ICAM2: variants seen among roughly 807,000 people sequenced by gnomAD.
The protein encoded by ICAM2 is ICAM-2.
Under a neutral mutation model 19.1 loss-of-function variants are expected in ICAM2, and 14 were observed. That is an observed-to-expected ratio of 0.73 (90% CI 0.48 to 1.15). The LOEUF (loss-of-function observed/expected upper bound fraction) is 1.15. ICAM2 is among the 50% of genes most tolerant of loss of function. The pLI, the probability that ICAM2 is intolerant of heterozygous loss-of-function variation, is 0.00. For missense variants in ICAM2, 311 were observed against 355.4 expected (o/e 0.88, Z 1.00); for synonymous variants, 153 against 152.7 (o/e 1.00, Z -0.01).
At chr17:64,014,199 T>C (rs1281231074) in intron 1 of ICAM2, among the ~76,000 whole-genome samples, 1 of 151,552 alleles carries the variant, frequency 6.6e-6, no homozygotes, top group Non-Finnish European at 1.5e-5. Context: ...CTGGGCCAGA[T>C]GCAGTGGCTC....
Position 64,014,376 on chromosome 17 carries a change from AAAGGAAGGAAGGAAGG to A in ICAM2, c.-45+6131_-45+6146del, listed in dbSNP as rs1168049231. 9.0e-5 allele frequency among the ~76,000 whole-genome samples: 5 copies of A among 55,420 alleles called. No homozygotes were observed. In the South Asian group the frequency reaches 2.2e-3, roughly 24 times the overall value. The allele number at this position is 55,420 out of a possible 152,430, so 36.4% of individuals were successfully genotyped here. ...GAAAGAAAGAAAGAAAGAAAGAAAG[AAAGGAAGGAAGGAAGG>A]AAGGAAGGAAGGAAGAGAAAGAGAA... On this transcript the variant is annotated intron_variant, in intron 1 of 4. Coordinates refer to ENST00000579788, the MANE Select transcript of ICAM2 (RefSeq NM_001099789.2).
At chr17:64,004,647 G>A in intron 3 of ICAM2, 1 of 233,840 alleles carries the variant, frequency 4.3e-6, no homozygotes, top group Non-Finnish European at 8.6e-6. Flanking sequence ...CATCTGGAAG[G>A]TTTTCATGGC....
At chr17:64,020,492 A>T (rs1352705737) in intron 1 of ICAM2, 31 bp downstream of exon 1, 1 of 152,178 alleles carries the variant, frequency 6.6e-6, no homozygotes, top group African/African-American at 2.4e-5. Flanking sequence ...GCCACGCTTC[A>T]TTGGAGGGAA....
At chr17:64,015,654 G>A (rs988468744) in intron 1 of ICAM2, among the ~76,000 whole-genome samples, 1 of 152,106 alleles carries the variant, frequency 6.6e-6, no homozygotes, top group Non-Finnish European at 1.5e-5. Context: ...TTAGGGGGAT[G>A]GCTTGAGCCT....
chr17:64,010,018 G>A (rs115123747), intron 1 of ICAM2, among the ~76,000 whole-genome samples: 5 of 152,124 alleles, frequency 3.3e-5, no homozygotes, highest in African/African-American at 1.2e-4. Context: ...CCCTTACCTC[G>A]ACCAGTCATT....
At chr17:64,005,069 C>T (rs1205280310) in intron 3 of ICAM2, 38 bp downstream of exon 3, 9 of 1,611,854 alleles carry the variant, frequency 5.6e-6, no homozygotes, top group Non-Finnish European at 6.8e-6. Context: ...CAGCCTCTGT[C>T]CCAGGGGAGA....
At chr17:64,007,443 A>G (rs1911264937) in intron 1 of ICAM2, among the ~76,000 whole-genome samples, 1 of 151,838 alleles carries the variant, frequency 6.6e-6, no homozygotes, top group Non-Finnish European at 1.5e-5. Flanking sequence ...TGTATTTTTA[A>G]TAGAGATGGG....
intron 4 of ICAM2, chr17:64,003,332 G>T: frequency 4.3e-6 from 2 of 462,444 alleles, no homozygotes; most frequent in Admixed American, 3.7e-5. Context: ...CAGAGCTCTG[G>T]GGACCTCAGT....
At chr17:64,013,279 T>C (rs1837984033) in intron 1 of ICAM2, among the ~76,000 whole-genome samples, 1 of 152,172 alleles carries the variant, frequency 6.6e-6, no homozygotes, top group African/African-American at 2.4e-5. Flanking sequence ...ACCACTGCAC[T>C]CTAGCCTGGG....
chr17:64,008,273 A>C (rs1338415300), intron 1 of ICAM2, among the ~76,000 whole-genome samples: 2 of 152,120 alleles, frequency 1.3e-5, no homozygotes, highest in East Asian at 3.9e-4. Context: ...AGCCTGAAGG[A>C]ATCTGATTTC....
rs1436349218 is a variant in ICAM2 at position 64,002,825 on chromosome 17, C to T, written c.750G>A (p.Gln250=). The part of the protein sequence containing the change: ...TSVLLCFIFG[Q]HLRQQRMGTY... Reference sequence around the variant, plus strand: ...TGCCCATCCGCTGCTGGCGCAAGTGCTGGCCGAAGATGAAGCAGAGCAGGA... The same window carrying T: ...TGCCCATCCGCTGCTGGCGCAAGTGTTGGCCGAAGATGAAGCAGAGCAGGA... Residue 250 remains glutamine, a synonymous_variant, in exon 5 of 5, where the codon CAG becomes CAA. Coordinates refer to ENST00000579788, the MANE Select transcript of ICAM2 (RefSeq NM_001099789.2). 6.2e-7 allele frequency: 1 copy of T among 1,613,934 alleles called. No homozygotes were observed. The highest frequency in any genetic ancestry group is 2.2e-5 in the East Asian group (1 of 44,874).
intron 1 of ICAM2, among the ~76,000 whole-genome samples, chr17:64,018,866 C>T (rs932307367): frequency 5.9e-5 from 9 of 151,858 alleles, no homozygotes; most frequent in African/African-American, 1.7e-4. Flanking sequence ...AAACTACAGG[C>T]GTACGCCACC....
intron 1 of ICAM2, among the ~76,000 whole-genome samples, chr17:64,019,011 C>T (rs538391051): frequency 4.6e-5 from 7 of 152,196 alleles, no homozygotes; most frequent in African/African-American, 1.7e-4. Flanking sequence ...TGAGCCACTG[C>T]TCCCGGCCTT....
chr17:64,011,004 C>CGA (rs1911428118), intron 1 of ICAM2, among the ~76,000 whole-genome samples: 1 of 151,674 alleles, frequency 6.6e-6, no homozygotes, highest in South Asian at 2.1e-4. Context: ...GAAACTCAAA[C>CGA]AACTCAATAG....
chr17:64,005,842 G>C, intron 2 of ICAM2: 1 of 192,456 alleles, frequency 5.2e-6, no homozygotes, highest in Non-Finnish European at 1.1e-5. Context: ...AGGCTCTGGG[G>C]ATACAGCAGT....
chr17:64,003,381 C>A, intron 4 of ICAM2: 1 of 516,400 alleles, frequency 1.9e-6, no homozygotes, highest in Admixed American at 3.4e-5. Flanking sequence ...TGGAGGGGAG[C>A]CAAGGCCAGG....
At chr17:64,019,629 C>A (rs1227399074) in intron 1 of ICAM2, among the ~76,000 whole-genome samples, 1 of 151,890 alleles carries the variant, frequency 6.6e-6, no homozygotes, top group Non-Finnish European at 1.5e-5. Flanking sequence ...TCCTGGCCAA[C>A]ATAGTGAAAC....
At chr17:64,015,013 G>A (rs376138348) in intron 1 of ICAM2, among the ~76,000 whole-genome samples, 1 of 152,192 alleles carries the variant, frequency 6.6e-6, no homozygotes, top group East Asian at 1.9e-4. Context: ...GAAGGCATGC[G>A]TAAACATGAT....
Position 64,002,750 on chromosome 17 carries a change from T to C in ICAM2, c.825A>G (p.Pro275=). ...GTGGCCATGCCACTCATGGTTGCTA[T>C]GGCCGGAAGGCCTGGGGCAGCCTCC... is the stretch of plus-strand genomic sequence containing the variant. ...AWRRLPQAFR[P] The change falls in exon 5 of 5, where the codon CCA becomes CCG. Residue 275 remains proline, a synonymous_variant. Transcript: ENST00000579788. 1 of 1,610,932 alleles carries C rather than the reference T, an allele frequency of 6.2e-7. No individual in the cohort carries two copies. Among genetic ancestry groups the C allele is most frequent in the Non-Finnish European group, 8.5e-7 (1 of 1,179,532 alleles).
Sources: allele counts gnomAD v4.1 joint callset (sites outside exome capture counted in the v4.1 genomes callset), GRCh38; gene constraint gnomAD v4.1.1; transcripts MANE v1.5; gene names NCBI Gene and HGNC (gene_info 2026-07-23, HGNC 2026-07-21).